Variants in KATNBL1 observed in about 807,000 individuals in gnomAD.
KATNBL1 encodes KATNB1-like protein 1.
KATNBL1 carries 28 observed loss-of-function variants against 44.7 expected under a neutral mutation model. The ratio of observed to expected loss-of-function variants is 0.63; its 90% CI spans 0.46 to 0.86. The LOEUF (loss-of-function observed/expected upper bound fraction) is 0.86. Ranked by LOEUF, KATNBL1 falls within the 40% of genes least tolerant of loss-of-function variation. The pLI is 0.00. For synonymous variants in KATNBL1, 78 were observed against 114.9 expected (o/e 0.68, Z 2.06); for missense variants, 272 against 350.7 (o/e 0.78, Z 1.79).
intron 1 of KATNBL1, among the ~76,000 whole-genome samples, chr15:34,207,117 G>A (rs1037264885): frequency 2.7e-5 from 4 of 150,506 alleles, no homozygotes; most frequent in African/African-American, 9.8e-5. Flanking sequence ...ATGGCTCACT[G>A]CAGCCTCCAA....
rs1317258767 is a variant in KATNBL1, at chr15:34,152,928, T to A, written c.300A>T (p.Lys100Asn). The A allele has an allele frequency of 7.4e-6, 12 of 1,614,052 alleles. No individual in the cohort carries two copies. Among genetic ancestry groups the A allele is most frequent in the Non-Finnish European group, 1.0e-5 (12 of 1,180,000 alleles). The part of the protein sequence containing the change: ...PGSGGCDMAN[K>N]ENELACAGHL... The stretch of plus-strand genomic sequence containing the variant: ...GGCCTGCACAAGCCAGTTCATTTTC[T>A]TTATTTGCCATGTCACAGCCCCCAC... Residue 100 changes from lysine to asparagine, a missense_variant, in exon 4 of 10, where the codon AAA becomes AAT. This residue lies in a region of KATNBL1 where 122 missense variants were observed against 125.0 expected (regional missense o/e 0.98). Coordinates refer to ENST00000256544, the MANE Select transcript of KATNBL1 (RefSeq NM_024713.3).
chr15:34,173,795 T>A (rs1296621817), intron 1 of KATNBL1, among the ~76,000 whole-genome samples: 1 of 152,092 alleles, frequency 6.6e-6, no homozygotes, highest in Non-Finnish European at 1.5e-5. Flanking sequence ...AATGGCACAT[T>A]TTTCAAGTGC....
intron 1 of KATNBL1, among the ~76,000 whole-genome samples, chr15:34,171,146 G>A (rs906664077): frequency 6.6e-6 from 1 of 152,120 alleles, no homozygotes; most frequent in African/African-American, 2.4e-5. Context: ...GAGTGAACAG[G>A]CAGCCTATAG....
chr15:34,207,311 C>T (rs540703349), intron 1 of KATNBL1, among the ~76,000 whole-genome samples: 53 of 152,184 alleles, frequency 3.5e-4, no homozygotes, highest in African/African-American at 1.1e-3. Flanking sequence ...TGGGTTCAAC[C>T]GATTCTCCTG....
chr15:34,176,649 T>C (rs1889342414), intron 1 of KATNBL1, among the ~76,000 whole-genome samples: 1 of 152,186 alleles, frequency 6.6e-6, no homozygotes, highest in Non-Finnish European at 1.5e-5. Context: ...CAATTCTGTG[T>C]ACACTTACAA....
At chr15:34,168,822 C>T (rs1455683015) in intron 1 of KATNBL1, among the ~76,000 whole-genome samples, 1 of 152,150 alleles carries the variant, frequency 6.6e-6, no homozygotes, top group Admixed American at 6.5e-5. Context: ...AACTGAACAA[C>T]CTGCTCCTGA....
intron 4 of KATNBL1, among the ~76,000 whole-genome samples, chr15:34,150,280 T>G (rs930017362): frequency 2.0e-5 from 3 of 152,196 alleles, no homozygotes; most frequent in African/African-American, 7.2e-5. Flanking sequence ...AATGCACAAC[T>G]GAAACTTTTT....
chr15:34,162,055 A>T (rs1888823985), intron 2 of KATNBL1, among the ~76,000 whole-genome samples: 1 of 152,222 alleles, frequency 6.6e-6, no homozygotes, highest in Non-Finnish European at 1.5e-5. Context: ...TCAACAGATA[A>T]GTTTTTCAGA....
intron 1 of KATNBL1, among the ~76,000 whole-genome samples, chr15:34,189,795 T>G (rs928941211): frequency 6.6e-6 from 1 of 152,202 alleles, no homozygotes; most frequent in Non-Finnish European, 1.5e-5. Context: ...CAAATTCTGT[T>G]CAAAAGAGAA....
Position 34,142,345 on chromosome 15 carries a change from T to C in KATNBL1, c.909A>G (p.Leu303=), listed in dbSNP as rs148593495. 24 of 1,596,794 alleles carry C rather than the reference T, an allele frequency of 1.5e-5. No homozygotes were observed. Among genetic ancestry groups the C allele is most frequent in the Non-Finnish European group, 1.8e-5 (21 of 1,169,580 alleles). The part of the protein sequence containing the change: ...AKDVDAYLLQ[L]H The stretch of plus-strand genomic sequence containing the variant: ...CTTTAGTAGATGAAATCTCTCAATG[T>C]AACTGTAATAAATAAGCATCTACAT... The change falls in exon 10 of 10, where the codon TTA becomes TTG. Residue 303 remains leucine (L), a synonymous_variant. Coordinates refer to ENST00000256544, the MANE Select transcript of KATNBL1 (RefSeq NM_024713.3).
chr15:34,182,179 T>G (rs1267576233), intron 1 of KATNBL1, among the ~76,000 whole-genome samples: 6 of 152,194 alleles, frequency 3.9e-5, no homozygotes, highest in South Asian at 4.1e-4. Context: ...CCAATTAATA[T>G]GAGAGATTAA....
At chr15:34,192,636 G>A (rs977627692) in intron 1 of KATNBL1, among the ~76,000 whole-genome samples, 3 of 152,114 alleles carry the variant, frequency 2.0e-5, no homozygotes, top group African/African-American at 7.2e-5. Flanking sequence ...GTCCGGGGAG[G>A]GAGAAGAGAC....
chr15:34,164,799 G>C (rs1888915954), intron 1 of KATNBL1, among the ~76,000 whole-genome samples: 1 of 152,196 alleles, frequency 6.6e-6, no homozygotes, highest in Admixed American at 6.5e-5. Context: ...CTGTTTTAAA[G>C]AATCATTTAG....
intron 1 of KATNBL1, among the ~76,000 whole-genome samples, chr15:34,191,167 ATATATATAT>A (rs1889861918): frequency 9.1e-6 from 1 of 109,904 alleles, no homozygotes; most frequent in East Asian, 2.1e-4. Flanking sequence ...ATATATATAT[ATATATATAT>A]ATATATATAT....
rs139094950 is a variant in KATNBL1 at position 34,162,768 on chromosome 15, C to A, written c.117+792G>T. Among the ~76,000 whole-genome samples, 255 of 152,134 alleles carry A rather than the reference C, an allele frequency of 1.7e-3. 3 individuals are homozygous for A. In the Middle Eastern group the frequency reaches 0.024, roughly 14 times the overall value. On this transcript the variant is annotated intron_variant, in intron 2 of 9. Transcript: ENST00000256544. The stretch of plus-strand genomic sequence containing the variant: ...AGGACCACAGGTGCATGCCACCATG[C>A]CTGGCTAGTTGAAAAAAGTTTTTTT...
intron 1 of KATNBL1, among the ~76,000 whole-genome samples, chr15:34,188,137 TAAAAAAAAAAAAAAA>T (rs1201268078): frequency 9.1e-5 from 2 of 22,084 alleles, no homozygotes; most frequent in Admixed American, 7.6e-4. Context: ...AGACGCCATG[TAAAAAAAAAAAAAAA>T]AAAAAAAAAA....
chr15:34,146,894 G>T, intron 7 of KATNBL1, 44 bp from the exon 8 acceptor site: 2 of 1,183,300 alleles, frequency 1.7e-6, no homozygotes, highest in South Asian at 1.2e-5. Context: ...TTTCATCTAA[G>T]AACCCTTCTT....
intron 1 of KATNBL1, among the ~76,000 whole-genome samples, chr15:34,187,043 A>G (rs1436860502): frequency 6.6e-6 from 1 of 152,228 alleles, no homozygotes; most frequent in African/African-American, 2.4e-5. Flanking sequence ...CCAGAGGACA[A>G]AGATGGCAGA....
chr15:34,194,220 G>A (rs538719876), intron 1 of KATNBL1, among the ~76,000 whole-genome samples: 2 of 152,158 alleles, frequency 1.3e-5, no homozygotes, highest in South Asian at 2.1e-4. Flanking sequence ...GATTATAGGC[G>A]TGAGCCACTG....
Sources: allele counts gnomAD v4.1 joint callset (sites outside exome capture counted in the v4.1 genomes callset), GRCh38; gene constraint gnomAD v4.1.1; regional missense constraint gnomAD v4.1.1; transcripts MANE v1.5; gene names NCBI Gene and HGNC (gene_info 2026-07-23, HGNC 2026-07-21).